ATP10B: variants seen among roughly 807,000 people sequenced by gnomAD.
ATP10B encodes ATPase phospholipid transporting 10B (putative), also known as phospholipid-transporting ATPase VB.
A neutral mutation model predicts 141.2 loss-of-function variants in ATP10B; 122 were observed. The ratio of observed to expected loss-of-function variants is 0.86; its 90% confidence interval spans 0.75 to 1.00. The LOEUF is 1.00. Among genes scored for constraint, ATP10B ranks in the 50% least tolerant of loss-of-function variants. The pLI is 0.00. For synonymous variants in ATP10B, 685 were observed against 692.0 expected, an observed-to-expected ratio of 0.99 and a Z score of 0.16; for missense variants, 1,876 against 1,825.3, an observed-to-expected ratio of 1.03 and a Z score of -0.51.
chr5:160,726,416 G>C (rs1307417322), intron 2 of ATP10B, among the ~76,000 whole-genome samples: 1 of 152,112 alleles, frequency 6.6e-6, no homozygotes, highest in Non-Finnish European at 1.5e-5. Context: ...ACTTGGAGTG[G>C]AGCTAAGTCA....
chr5:160,740,066 T>A (rs1346671994), intron 2 of ATP10B, among the ~76,000 whole-genome samples: 1 of 152,188 alleles, frequency 6.6e-6, no homozygotes, highest in Non-Finnish European at 1.5e-5. Flanking sequence ...AACACCATAG[T>A]CACCATAGTA....
chr5:160,565,653 A>G lies in ATP10B; in HGVS notation c.4186T>C (p.Ser1396Pro). ...NPPKRKHVEE[S>P]VLHEQRCGTE... is the part of the protein sequence containing the mutation. Reference sequence around the variant, plus strand: ...CCACATCTCTGTTCGTGGAGTACTGACTCTTCCACATGCTTCCTCTTGGGA... The same window carrying G: ...CCACATCTCTGTTCGTGGAGTACTGGCTCTTCCACATGCTTCCTCTTGGGA... The change falls in exon 26 of 26, where the codon TCA becomes CCA. Residue 1396 changes from serine to proline, a missense_variant. Physicochemically the swap from Ser to Pro is moderately conservative, Grantham distance 74 (BLOSUM62 -1). Coordinates refer to ENST00000327245, the MANE Select transcript of ATP10B (RefSeq NM_025153.3). 6.2e-7 allele frequency: 1 copy of G among 1,613,710 alleles called. No individual in the cohort carries two copies. The highest frequency in any genetic ancestry group is 8.5e-7 in the Non-Finnish European group (1 of 1,179,900).
chr5:160,631,450 A>G (rs1188267445), intron 13 of ATP10B, among the ~76,000 whole-genome samples: 2 of 152,272 alleles, frequency 1.3e-5, no homozygotes, highest in Non-Finnish European at 2.9e-5. Context: ...GCCCCAGACC[A>G]AAGCCACAAA....
chr5:160,847,323 C>T (rs554134882), intron 1 of ATP10B, among the ~76,000 whole-genome samples: 2 of 152,254 alleles, frequency 1.3e-5, no homozygotes, highest in South Asian at 4.1e-4. Context: ...GGAAGAGAAG[C>T]AAGTTTCGCC....
At chr5:160,898,422 A>G in the ATP10B span, among the ~76,000 whole-genome samples, 2 of 152,370 alleles carry the variant, frequency 1.3e-5, no homozygotes, top group African/African-American at 4.8e-5. Flanking sequence ...CATTAGAGAA[A>G]TGCAAATCAA....
rs1323040761 is a variant in ATP10B at position 160,605,961 on chromosome 5, T to G, written c.3160+804A>C. 3.3e-5 allele frequency among the ~76,000 whole-genome samples: 5 copies of G among 152,288 alleles called. No individual in the cohort carries two copies. In the South Asian group the frequency reaches 8.3e-4, roughly 25 times the overall value. ...AGGGGAAAGCAAAGTTAGGTAGGATTGGAAGAAGTGTTTTACAGAGGAAAT... is the reference window on the plus strand; with the variant it reads ...AGGGGAAAGCAAAGTTAGGTAGGATGGGAAGAAGTGTTTTACAGAGGAAAT... On this transcript the variant is annotated intron_variant, in intron 19 of 25. Coordinates refer to ENST00000327245, the MANE Select transcript of ATP10B (RefSeq NM_025153.3).
intron 2 of ATP10B, among the ~76,000 whole-genome samples, chr5:160,741,194 ACT>A (rs1418966850): frequency 5.3e-5 from 8 of 152,110 alleles, no homozygotes; most frequent in Non-Finnish European, 1.2e-4. Context: ...GCTTCTGAAC[ACT>A]CTTTTACCCT....
the ATP10B span, among the ~76,000 whole-genome samples, chr5:160,908,406 G>C: frequency 6.6e-6 from 1 of 152,150 alleles, no homozygotes; most frequent in Non-Finnish European, 1.5e-5. Flanking sequence ...CTGGCCCATA[G>C]TCATTGAACT....
chr5:160,636,413 G>A lies in ATP10B; in HGVS notation c.1001-104C>T, dbSNP rs181282618. 6.5e-3 allele frequency: 8,058 copies of A among 1,230,612 alleles called. 33 individuals are homozygous for A. The highest frequency in any genetic ancestry group is 8.3e-3 in the Non-Finnish European group (7,321 of 877,414). 76.2% of individuals were successfully genotyped at this position (1,230,612 alleles called of 1,614,324 possible). ...CATTCCTAGAAATGGGTGTGCTTTG[G>A]AGGACCCCTCCTTCTTCCATACAAT... On this transcript the variant is annotated intron_variant, in intron 10 of 25. Coordinates refer to ENST00000327245, the MANE Select transcript of ATP10B (RefSeq NM_025153.3).
chr5:160,796,605 C>T (rs984168854), intron 1 of ATP10B, among the ~76,000 whole-genome samples: 4 of 152,168 alleles, frequency 2.6e-5, no homozygotes, highest in African/African-American at 4.8e-5. Context: ...ACAAGCTGGT[C>T]GCGCCCTTCC....
intron 21 of ATP10B, 78 bp downstream of exon 21, chr5:160,602,499 C>A (rs1301219219): frequency 6.3e-7 from 1 of 1,589,362 alleles, no homozygotes; most frequent in South Asian, 1.1e-5. Flanking sequence ...AGGTGCTTTG[C>A]CCACTGCTAG....
intron 6 of ATP10B, chr5:160,684,852 C>T (rs1763651453): frequency 1.4e-6 from 1 of 698,934 alleles, no homozygotes; most frequent in Non-Finnish European, 2.6e-6. Context: ...AGATGAGGCA[C>T]TCTCGGTTAT....
At chr5:160,922,498 A>T in the ATP10B span, among the ~76,000 whole-genome samples, 1 of 152,226 alleles carries the variant, frequency 6.6e-6, no homozygotes, top group Non-Finnish European at 1.5e-5. Context: ...GAGGACACTC[A>T]GATGGTCACC....
intron 1 of ATP10B, among the ~76,000 whole-genome samples, chr5:160,825,741 TGTATCCAG>T (rs528355277): frequency 3.7e-4 from 57 of 152,204 alleles, no homozygotes; most frequent in Non-Finnish European, 6.5e-4. Context: ...CATGGTATAC[TGTATCCAG>T]GTAGTGAGCA....
intron 18 of ATP10B, among the ~76,000 whole-genome samples, chr5:160,608,537 C>T (rs758342704): frequency 2.0e-5 from 3 of 152,158 alleles, no homozygotes; most frequent in African/African-American, 2.4e-5. Flanking sequence ...CTAGTTTACA[C>T]GCCCACCGAT....
chr5:160,657,166 A>T (rs1034105160), intron 7 of ATP10B, among the ~76,000 whole-genome samples: 7 of 152,152 alleles, frequency 4.6e-5, no homozygotes, highest in African/African-American at 1.2e-4. Flanking sequence ...GAAGAACACT[A>T]AAGTTTTTTT....
At chr5:160,653,944 C>T (rs1198064826) in intron 7 of ATP10B, among the ~76,000 whole-genome samples, 1 of 108,444 alleles carries the variant, frequency 9.2e-6, no homozygotes, top group Non-Finnish European at 1.8e-5. Context: ...TACGTATATA[C>T]ATATATAAAT....
At chr5:160,838,300 C>T (rs1775589545) in intron 1 of ATP10B, among the ~76,000 whole-genome samples, 1 of 152,144 alleles carries the variant, frequency 6.6e-6, no homozygotes, top group Non-Finnish European at 1.5e-5. Flanking sequence ...AAACAGCCCA[C>T]CTACACCATC....
rs375180081 is a variant in ATP10B at position 160,688,036 on chromosome 5, C to G, written c.39G>C (p.Gln13His). 61 of 1,613,776 alleles carry G rather than the reference C, an allele frequency of 3.8e-5. No individual in the cohort carries two copies. The African/African-American group carries it at 7.5e-4, about 20-fold the overall frequency. The change falls in exon 5 of 26, where the codon CAG becomes CAC. Residue 13 changes from glutamine to histidine, a missense_variant. Gln to His is a conservative substitution (Grantham distance 24). Coordinates refer to ENST00000327245, the MANE Select transcript of ATP10B (RefSeq NM_025153.3). Reference protein sequence around the residue: ...LSVDSSWHRWQWRVRDGFPHC... With the variant: ...LSVDSSWHRWHWRVRDGFPHC... ...GGGGGAAGCCATCTCTGACTCTCCA[C>G]TGCCACCGATGCCACGATGAGTCCA... is the stretch of plus-strand genomic sequence containing the variant.
Sources: allele counts gnomAD v4.1 joint callset (sites outside exome capture counted in the v4.1 genomes callset), GRCh38; gene constraint gnomAD v4.1.1; transcripts MANE v1.5; gene names NCBI Gene and HGNC (gene_info 2026-07-23, HGNC 2026-07-21).